NCMAP: variants seen among roughly 807,000 people sequenced by gnomAD.
The protein encoded by NCMAP is non-compact myelin associated protein.
Under a neutral mutation model 7.8 loss-of-function variants are expected in NCMAP, and 8 were observed. The ratio of observed to expected loss-of-function variants is 1.02; its 90% CI spans 0.60 to 1.84. The LOEUF (loss-of-function observed/expected upper bound fraction) is 1.84. Among genes scored for constraint, NCMAP ranks in the 40% most tolerant of loss-of-function variants. The probability of loss-of-function intolerance (pLI) is 0.00; values close to 1 mark genes in which losing one functional copy is unlikely to be tolerated. For missense variants in NCMAP, 112 were observed against 131.4 expected (o/e 0.85, Z 0.72); for synonymous variants, 41 against 52.9 (o/e 0.78, Z 0.98).
intron 1 of NCMAP, among the ~76,000 whole-genome samples, chr1:24,560,355 C>G (rs1651016790): frequency 1.3e-5 from 2 of 152,324 alleles, no homozygotes; most frequent in South Asian, 4.1e-4. Flanking sequence ...ACTGGGAATT[C>G]AGAAAGAGCT....
chr1:24,565,144 C>CT (rs11368502), intron 1 of NCMAP, among the ~76,000 whole-genome samples: 28,039 of 142,470 alleles, frequency 0.2, 2,819 homozygotes, highest in Middle Eastern at 0.24. Context: ...TTTTATACAC[C>CT]TTTTTTTTTT....
chr1:24,578,929 T>A (rs1342028421), intron 1 of NCMAP, among the ~76,000 whole-genome samples: 2 of 152,098 alleles, frequency 1.3e-5, no homozygotes, highest in Admixed American at 6.6e-5. Flanking sequence ...GAAGAGTAGA[T>A]CTCCTTTCCA....
In NCMAP at chr1:24,600,912, A is replaced by G. The variant is rs754906607; in HGVS notation, c.83-28A>G. ...TGGTCTGCGTTCAGTTTGCACATTC[A>G]CGGTCTCTGCTTCTCTCCTTTCTGT... On this transcript the variant is annotated intron_variant, in intron 2 of 3. Coordinates refer to ENST00000374392, the MANE Select transcript of NCMAP (RefSeq NM_001010980.5). The G allele has an allele frequency of 5.6e-6, 9 of 1,609,208 alleles. No individual in the cohort carries two copies. The African/African-American group carries it at 1.1e-4, about 19-fold the overall frequency.
chr1:24,592,364 C>G (rs35427541), intron 1 of NCMAP, among the ~76,000 whole-genome samples: 20,463 of 152,162 alleles, frequency 0.13, 1,768 homozygotes, highest in Non-Finnish European at 0.2. Flanking sequence ...TCCCTGTGTA[C>G]TCCCAGCACT....
chr1:24,575,451 A>T (rs1239892037), intron 1 of NCMAP, among the ~76,000 whole-genome samples: 1 of 152,120 alleles, frequency 6.6e-6, no homozygotes, highest in Admixed American at 6.6e-5. Flanking sequence ...TGATCCTTAC[A>T]ATCCAGATGA....
At chr1:24,597,581 A>G (rs529564403) in intron 2 of NCMAP, among the ~76,000 whole-genome samples, 11 of 101,880 alleles carry the variant, frequency 1.1e-4, no homozygotes, top group African/African-American at 3.9e-4. Context: ...CTGTAAAAAC[A>G]AAAGAGAAGA....
At chr1:24,559,483 C>A (rs749981256) in intron 1 of NCMAP, among the ~76,000 whole-genome samples, 2 of 152,106 alleles carry the variant, frequency 1.3e-5, no homozygotes, top group African/African-American at 4.8e-5. Context: ...GCTGAGGGGG[C>A]GGAGCCAGAG....
At chr1:24,573,803 AC>A in intron 1 of NCMAP, among the ~76,000 whole-genome samples, 1 of 149,540 alleles carries the variant, frequency 6.7e-6, no homozygotes, top group African/African-American at 2.5e-5. Flanking sequence ...TAGAAAAGAA[AC>A]CTAGAAACCT....
intron 1 of NCMAP, among the ~76,000 whole-genome samples, chr1:24,586,468 A>G (rs757838573): frequency 1.3e-5 from 2 of 152,166 alleles, no homozygotes; most frequent in Non-Finnish European, 2.9e-5. Flanking sequence ...TGCAGTTTAT[A>G]AAGTTCCTTC....
Position 24,569,840 on chromosome 1 carries a change from T to A in NCMAP, c.-8+13671T>A, listed in dbSNP as rs149674514. Among the ~76,000 whole-genome samples the A allele has an allele frequency of 5.8e-4, 87 of 151,010 alleles. 2 individuals are homozygous for A. In the Middle Eastern group the frequency reaches 0.017, roughly 30 times the overall value. On this transcript the variant is annotated intron_variant, in intron 1 of 3. Transcript: ENST00000374392. ...AAATGCTCCTCTTACTTTCAAGCCC[T>A]CAAAACATGGTGCAGACTCTGAAGT...
At chr1:24,582,190 G>A (rs1477876545) in intron 1 of NCMAP, among the ~76,000 whole-genome samples, 1 of 152,156 alleles carries the variant, frequency 6.6e-6, no homozygotes, top group African/African-American at 2.4e-5. Flanking sequence ...ATCCACCTCA[G>A]TGCCTCCCGT....
intron 1 of NCMAP, among the ~76,000 whole-genome samples, chr1:24,572,773 G>A (rs908661454): frequency 8.0e-5 from 12 of 150,732 alleles, no homozygotes; most frequent in African/African-American, 1.5e-4. Context: ...CGTTCCGCAC[G>A]TCCTAAAAGT....
In NCMAP at chr1:24,609,172, C is replaced by T. The variant is rs1652850584; in HGVS notation, c.*3425C>T. On this transcript the variant is annotated 3_prime_UTR_variant, in exon 4 of 4. Coordinates refer to ENST00000374392, the MANE Select transcript of NCMAP (RefSeq NM_001010980.5). ...ACAATTGCTGCTCTCAAGGAGTTAGCAGCTGGTCTCATGCAGGGATCTCAC... is the reference window on the plus strand; with the variant it reads ...ACAATTGCTGCTCTCAAGGAGTTAGTAGCTGGTCTCATGCAGGGATCTCAC... 6.6e-6 allele frequency: 1 copy of T among 152,190 alleles called. No individual in the cohort carries two copies. Among genetic ancestry groups the T allele is most frequent in the East Asian group, 1.9e-4 (1 of 5,198 alleles). 9.4% of individuals were successfully genotyped at this position (152,190 alleles called of 1,614,324 possible).
At chr1:24,587,143 C>T (rs1287524507) in intron 1 of NCMAP, among the ~76,000 whole-genome samples, 2 of 152,162 alleles carry the variant, frequency 1.3e-5, no homozygotes, top group East Asian at 3.9e-4. Flanking sequence ...TCATTCTGAA[C>T]ATGTCAGCCC....
chr1:24,599,824 C>CTA (rs1652407936), intron 2 of NCMAP, among the ~76,000 whole-genome samples: 733 of 10,684 alleles, frequency 0.069, 127 homozygotes, highest in African/African-American at 0.18. Context: ...GATCCGCCCC[C>CTA]CCCCCCCCCC....
chr1:24,567,890 G>A (rs1180927558), intron 1 of NCMAP, among the ~76,000 whole-genome samples: 1 of 152,084 alleles, frequency 6.6e-6, no homozygotes, highest in Non-Finnish European at 1.5e-5. Context: ...AGAGGTGGCG[G>A]GGGCTGAAGT....
Position 24,570,864 on chromosome 1 carries a change from A to G in NCMAP, c.-8+14695A>G, listed in dbSNP as rs147615989. Among the ~76,000 whole-genome samples, 78 of 151,136 alleles carry G rather than the reference A, an allele frequency of 5.2e-4. 1 individual carries two copies. Among genetic ancestry groups the G allele is most frequent in the African/African-American group, 1.8e-3 (71 of 40,408 alleles). On this transcript the variant is annotated intron_variant, in intron 1 of 3. Transcript: ENST00000374392. Reference sequence around the variant, plus strand: ...TGATTAATGAATATTTCCTGAATGAATGAATGTATGAACAAATGAATGAGT... The same window carrying G: ...TGATTAATGAATATTTCCTGAATGAGTGAATGTATGAACAAATGAATGAGT...
chr1:24,573,971 A>AAAAAAC lies in NCMAP; in HGVS notation c.-8+17802_-8+17803insAAAAAC, dbSNP rs1337931415. On this transcript the variant is annotated intron_variant, in intron 1 of 3. Coordinates refer to ENST00000374392, the MANE Select transcript of NCMAP (RefSeq NM_001010980.5). ...AGAGGACAAAAAAAAAAAAAAAAAAACAGAAAAAAGGGGGAATATGTCAGT... is the reference window on the plus strand; with the variant it reads ...AGAGGACAAAAAAAAAAAAAAAAAAAAAAAACCAGAAAAAAGGGGGAATATGTCAGT... Among the ~76,000 whole-genome samples, 47 of 137,552 alleles carry AAAAAAC rather than the reference A, an allele frequency of 3.4e-4. 6 individuals carry two copies. The highest frequency in any genetic ancestry group is 1.2e-3 in the African/African-American group (42 of 34,146). 90.2% of individuals were successfully genotyped at this position (137,552 alleles called of 152,430 possible).
intron 1 of NCMAP, among the ~76,000 whole-genome samples, chr1:24,564,534 A>AAAAAAAAAAAC: frequency 1.3e-5 from 1 of 79,500 alleles, no homozygotes; most frequent in Admixed American, 1.2e-4. Flanking sequence ...AAAAAAAAAC[A>AAAAAAAAAAAC]AAAAAAAACC....
Sources: allele counts gnomAD v4.1 joint callset (sites outside exome capture counted in the v4.1 genomes callset), GRCh38; gene constraint gnomAD v4.1.1; transcripts MANE v1.5; gene names NCBI Gene and HGNC (gene_info 2026-07-23, HGNC 2026-07-21).